The following VSIG10 variants were observed in gnomAD, a reference collection of about 807,000 sequenced individuals.
VSIG10 encodes V-set and immunoglobulin domain-containing protein 10.
Under a neutral mutation model 58.7 loss-of-function variants are expected in VSIG10, and 48 were observed. The ratio of observed to expected loss-of-function variants is 0.82; its 90% confidence interval spans 0.65 to 1.04. The LOEUF is 1.04. Among genes scored for constraint, VSIG10 ranks in the 50% least tolerant of loss-of-function variants. The pLI is 0.00. For missense variants in VSIG10, 628 were observed against 670.0 expected, an observed-to-expected ratio of 0.94 and a Z score of 0.69; for synonymous variants, 260 against 267.1, an observed-to-expected ratio of 0.97 and a Z score of 0.26.
At chr12:118,086,526 A>G (rs1031055937) in intron 2 of VSIG10, among the ~76,000 whole-genome samples, 2 of 152,046 alleles carry the variant, frequency 1.3e-5, no homozygotes, top group Non-Finnish European at 2.9e-5. Context: ...GCCTGTCTGC[A>G]GGTAAACACA....
Position 118,073,851 on chromosome 12 carries a change from T to C in VSIG10, c.1067A>G (p.Gln356Arg). 1 of 1,613,780 alleles carries C rather than the reference T, an allele frequency of 6.2e-7. No homozygotes were observed. Among genetic ancestry groups the C allele is most frequent in the South Asian group, 1.1e-5 (1 of 91,078 alleles). ...GGTAATGAGATGGCGGCTGCTAGGC[T>C]GGATGATCACCTCGGGCTGGGTAAG... ...RNLTQPEVII[Q>R]PSSRHLITQD... is the part of the protein sequence containing the mutation. Residue 356 changes from glutamine to arginine, a missense_variant, in exon 5 of 9, where the codon CAG becomes CGG. By Grantham distance (43) the Gln-to-Arg change is conservative. Transcript: ENST00000359236.
chr12:118,092,638 C>CTTTT lies in VSIG10; in HGVS notation c.361+2891_361+2894dup, dbSNP rs35654590. On this transcript the variant is annotated intron_variant, in intron 2 of 8. Coordinates refer to ENST00000359236, the MANE Select transcript of VSIG10 (RefSeq NM_019086.6). ...TTTCATTTCATATGATTTTCTTTTT[C>CTTTT]TTTTTTTTTTTTTTGAGACAGGGTC... Among the ~76,000 whole-genome samples the CTTTT allele has an allele frequency of 4.2e-3, 587 of 140,462 alleles. 21 individuals carry two copies. The highest frequency in any genetic ancestry group is 0.04 in the Admixed American group (547 of 13,654). The allele number at this position is 140,462 out of a possible 152,430, so 92.1% of individuals were successfully genotyped here. A position where few individuals can be genotyped will look rare whatever the true frequency, so the allele number is the denominator to read the frequency against.
chr12:118,101,697 G>GTA (rs1566182139), intron 1 of VSIG10: 1 of 152,158 alleles, frequency 6.6e-6, no homozygotes, highest in African/African-American at 2.4e-5. Flanking sequence ...ATGCATATAA[G>GTA]TTGTCTGGCA....
At position 118,103,951 on chromosome 12, in the gene VSIG10, G is replaced by A; in HGVS notation, c.-280C>T. On this transcript the variant is annotated 5_prime_UTR_variant, in exon 1 of 9. Transcript: ENST00000359236. ...CGCCCGCCAGCCTACTCCTGCCGGC[G>A]GAAAACAACAGGAGCGGGATCCCTC... 1 of 355,138 alleles carries A rather than the reference G, an allele frequency of 2.8e-6. No homozygotes were observed. The highest frequency in any genetic ancestry group is 5.1e-6 in the Non-Finnish European group (1 of 196,954). 22.0% of individuals were successfully genotyped at this position (355,138 alleles called of 1,614,324 possible).
intron 3 of VSIG10, among the ~76,000 whole-genome samples, chr12:118,081,517 G>A (rs577022507): frequency 1.3e-5 from 2 of 151,494 alleles, no homozygotes; most frequent in East Asian, 2.0e-4. Flanking sequence ...TTAATCCTAC[G>A]TACTTTCACC....
chr12:118,095,287 C>T (rs1373338375), intron 2 of VSIG10, among the ~76,000 whole-genome samples: 6 of 152,124 alleles, frequency 3.9e-5, no homozygotes, highest in South Asian at 4.1e-4. Flanking sequence ...GTGATCCGCC[C>T]GGCTTGGCCT....
At chr12:118,076,257 C>T (rs944300504) in intron 4 of VSIG10, among the ~76,000 whole-genome samples, 2 of 152,080 alleles carry the variant, frequency 1.3e-5, no homozygotes, top group African/African-American at 4.8e-5. Context: ...CGCTCTAGAG[C>T]AAGCTTTTCC....
chr12:118,066,857 G>T, intron 8 of VSIG10, 163 bp from the exon 9 acceptor site: 1 of 712,870 alleles, frequency 1.4e-6, no homozygotes, highest in Non-Finnish European at 2.3e-6. Flanking sequence ...CTTTTCACCT[G>T]TTTTCTACAT....
Position 118,079,625 on chromosome 12 carries a change from A to G in VSIG10, c.665-19T>C, listed in dbSNP as rs1186562365. 9.3e-6 allele frequency: 15 copies of G among 1,612,874 alleles called. No homozygotes were observed. The highest frequency in any genetic ancestry group is 1.0e-5 in the Non-Finnish European group (12 of 1,179,340). On this transcript the variant is annotated intron_variant, in intron 3 of 8. Transcript: ENST00000359236. ...GGGGGATCTGCAAAACACCAGAGGA[A>G]AGCATGGGCTGAATCACAGACTCTA...
At chr12:118,102,678 CA>C (rs2033651469) in intron 1 of VSIG10, 1 of 152,018 alleles carries the variant, frequency 6.6e-6, no homozygotes, top group Non-Finnish European at 1.5e-5. Flanking sequence ...GCATACTTTA[CA>C]ACCCATCTCC....
At chr12:118,074,320 G>A (rs574668985) in intron 4 of VSIG10, among the ~76,000 whole-genome samples, 1 of 152,254 alleles carries the variant, frequency 6.6e-6, no homozygotes, top group African/African-American at 2.4e-5. Flanking sequence ...CCAACCTCAG[G>A]TGATTTGCCC....
chr12:118,098,860 T>G (rs1228315602), intron 1 of VSIG10, among the ~76,000 whole-genome samples: 2 of 151,712 alleles, frequency 1.3e-5, no homozygotes, highest in Non-Finnish European at 2.9e-5. Context: ...CAGCCCTTTG[T>G]GTTTTATTTA....
Position 118,071,472 on chromosome 12 carries a change from G to A in VSIG10, c.1220-3C>T. On this transcript the variant is annotated splice_polypyrimidine_tract_variant and splice_region_variant and intron_variant, in intron 5 of 8. Transcript: ENST00000359236. The stretch of plus-strand genomic sequence containing the variant: ...AATCCCCCCGATATTTAAAGGTTCT[G>A]TAAAGACAAATCACACCATTGATTC... 6.2e-7 allele frequency: 1 copy of A among 1,612,950 alleles called. No individual in the cohort carries two copies. Among genetic ancestry groups the A allele is most frequent in the Non-Finnish European group, 8.5e-7 (1 of 1,178,932 alleles).
chr12:118,103,707 G>A lies in VSIG10; in HGVS notation c.-36C>T, dbSNP rs1219598139. Reference sequence around the variant, plus strand: ...ATCCCGGCTCAGGAAACGCAGGCTCGGGCTGGGCTGGACGTGTGTGCCCCA... The same window carrying A: ...ATCCCGGCTCAGGAAACGCAGGCTCAGGCTGGGCTGGACGTGTGTGCCCCA... On this transcript the variant is annotated 5_prime_UTR_variant, in exon 1 of 9. Transcript: ENST00000359236. 1.9e-5 allele frequency: 27 copies of A among 1,457,086 alleles called. No homozygotes were observed. The highest frequency in any genetic ancestry group is 2.3e-5 in the Non-Finnish European group (26 of 1,109,896). The allele number at this position is 1,457,086 out of a possible 1,614,324, so 90.3% of individuals were successfully genotyped here. A position where few individuals can be genotyped will look rare whatever the true frequency, so the allele number is the denominator to read the frequency against.
Position 118,100,358 on chromosome 12 carries a change from G to A in VSIG10, c.79+3235C>T, listed in dbSNP as rs185014601. 7.2e-3 allele frequency among the ~76,000 whole-genome samples: 1,100 copies of A among 152,196 alleles called. 14 individuals carry two copies. The highest frequency in any genetic ancestry group is 0.025 in the African/African-American group (1,023 of 41,556). ...TAAAAATACAAAAAGTTAGCCGGGC[G>A]TGGTGGCGCACACCTGTAATCCCAC... On this transcript the variant is annotated intron_variant, in intron 1 of 8. Coordinates refer to ENST00000359236, the MANE Select transcript of VSIG10 (RefSeq NM_019086.6).
chr12:118,103,709 G>A lies in VSIG10; in HGVS notation c.-38C>T. On this transcript the variant is annotated 5_prime_UTR_variant, in exon 1 of 9. Coordinates refer to ENST00000359236, the MANE Select transcript of VSIG10 (RefSeq NM_019086.6). The stretch of plus-strand genomic sequence containing the variant: ...CCCGGCTCAGGAAACGCAGGCTCGG[G>A]CTGGGCTGGACGTGTGTGCCCCAGG... 1 of 1,457,042 alleles carries A rather than the reference G, an allele frequency of 6.9e-7. No homozygotes were observed. The highest frequency in any genetic ancestry group is 9.0e-7 in the Non-Finnish European group (1 of 1,109,822). 90.3% of individuals were successfully genotyped at this position (1,457,042 alleles called of 1,614,324 possible). A position where few individuals can be genotyped will look rare whatever the true frequency, so the allele number is the denominator to read the frequency against.
intron 8 of VSIG10, among the ~76,000 whole-genome samples, chr12:118,066,959 C>T (rs773620395): frequency 6.6e-6 from 1 of 152,134 alleles, no homozygotes; most frequent in Admixed American, 6.6e-5. Context: ...CTCCTTTCTG[C>T]TTATTCCAAC....
At chr12:118,084,995 G>A (rs941841041) in intron 2 of VSIG10, among the ~76,000 whole-genome samples, 2 of 152,126 alleles carry the variant, frequency 1.3e-5, no homozygotes, top group Non-Finnish European at 2.9e-5. Context: ...CTCCAGCCTG[G>A]GCAACAGAGT....
intron 7 of VSIG10, 65 bp downstream of exon 7, chr12:118,070,987 G>A: frequency 2.6e-6 from 4 of 1,565,664 alleles, no homozygotes; most frequent in Non-Finnish European, 8.7e-7. Context: ...GAAAGGAAGG[G>A]AACAAAACAG....
Sources: allele counts gnomAD v4.1 joint callset (sites outside exome capture counted in the v4.1 genomes callset), GRCh38; gene constraint gnomAD v4.1.1; transcripts MANE v1.5; gene names NCBI Gene and HGNC (gene_info 2026-07-23, HGNC 2026-07-21).